Variants in DENND5A observed in about 807,000 individuals in gnomAD.
The protein encoded by DENND5A is DENN domain containing 5A.
Under a neutral mutation model 140.3 loss-of-function variants are expected in DENND5A, and 64 were observed. That is an observed-to-expected ratio of 0.46 (90% CI 0.37 to 0.56). DENND5A has a LOEUF of 0.56. DENND5A is among the 20% of genes least tolerant of loss of function. The pLI, the probability that DENND5A is intolerant of heterozygous loss-of-function variation, is 0.00. For synonymous variants in DENND5A, 605 were observed against 607.7 expected (o/e 1.00, Z 0.07); for missense variants, 1,292 against 1,593.8 (o/e 0.81, Z 3.22).
chr11:9,140,081 C>G, intron 22 of DENND5A: 1 of 1,267,706 alleles, frequency 7.9e-7, no homozygotes, highest in Non-Finnish European at 1.1e-6. Flanking sequence ...TCCAAGCCTC[C>G]TCCTCCCCTG....
At chr11:9,202,930 C>G (rs1428834613) in intron 4 of DENND5A, among the ~76,000 whole-genome samples, 3 of 152,154 alleles carry the variant, frequency 2.0e-5, no homozygotes, top group Non-Finnish European at 4.4e-5. Context: ...CTTTATAACC[C>G]TTATTAAGTA....
intron 5 of DENND5A, among the ~76,000 whole-genome samples, chr11:9,183,439 CTTT>C (rs149988674): frequency 8.3e-5 from 12 of 144,346 alleles, no homozygotes; most frequent in East Asian, 4.0e-4. Context: ...AGGTTTTTAA[CTTT>C]TTTTTTTTTT....
chr11:9,190,335 C>A (rs535134170), intron 5 of DENND5A, among the ~76,000 whole-genome samples: 84 of 152,168 alleles, frequency 5.5e-4, no homozygotes, highest in Non-Finnish European at 7.9e-4. Context: ...TTGGCTGTGT[C>A]CCCACCCAAA....
chr11:9,202,749 G>A (rs993301126), intron 4 of DENND5A, among the ~76,000 whole-genome samples: 8 of 152,002 alleles, frequency 5.3e-5, no homozygotes, highest in African/African-American at 1.5e-4. Context: ...TCTGGTTCTT[G>A]AATACACGAA....
intron 1 of DENND5A, among the ~76,000 whole-genome samples, chr11:9,228,816 G>C (rs1422222483): frequency 6.6e-6 from 1 of 152,090 alleles, no homozygotes; most frequent in Non-Finnish European, 1.5e-5. Flanking sequence ...TGAGCACGAA[G>C]GCTCCACACA....
At chr11:9,156,958 G>A (rs557762764) in intron 12 of DENND5A, among the ~76,000 whole-genome samples, 7 of 152,086 alleles carry the variant, frequency 4.6e-5, no homozygotes, top group East Asian at 3.9e-4. Flanking sequence ...TTCCTCCTAT[G>A]GTGAGAATTA....
At chr11:9,144,852 T>A (rs1341523662) in intron 18 of DENND5A, 143 bp downstream of exon 18, 1 of 656,382 alleles carries the variant, frequency 1.5e-6, no homozygotes, top group Non-Finnish European at 2.8e-6. Flanking sequence ...TACTTTCAAG[T>A]GTATGAGGCA....
intron 10 of DENND5A, among the ~76,000 whole-genome samples, chr11:9,169,101 A>T (rs893349511): frequency 7.2e-5 from 11 of 152,218 alleles, no homozygotes; most frequent in Admixed American, 2.0e-4. Flanking sequence ...AGTCAAGATT[A>T]TCTGTTTCAA....
intron 1 of DENND5A, among the ~76,000 whole-genome samples, chr11:9,263,984 A>G (rs1852331732): frequency 6.6e-6 from 1 of 152,200 alleles, no homozygotes; most frequent in Non-Finnish European, 1.5e-5. Flanking sequence ...TTACAGTGAC[A>G]GAAAAGTGAA....
intron 4 of DENND5A, among the ~76,000 whole-genome samples, chr11:9,197,688 C>A (rs902850393): frequency 5.3e-5 from 8 of 152,000 alleles, no homozygotes; most frequent in African/African-American, 1.4e-4. Context: ...GAGCAAGACC[C>A]CGTCTTAAAA....
Position 9,204,084 on chromosome 11 carries a change from G to C in DENND5A, c.525C>G (p.Ser175Arg). The C allele has an allele frequency of 6.2e-7, 1 of 1,614,164 alleles. No individual in the cohort carries two copies. Among genetic ancestry groups the C allele is most frequent in the Non-Finnish European group, 8.5e-7 (1 of 1,180,038 alleles). The part of the protein sequence containing the change: ...HAPPADDRDQ[S>R]SMEDGEDTPV... ...GAGTGTCTTCACCATCCTCCATGCT[G>C]CTCTGGTCTCTGTCATCAGCAGGGG... Residue 175 changes from serine (S) to arginine (R), a missense_variant, in exon 4 of 23, where the codon AGC becomes AGG. Ser to Arg is a moderately radical substitution (Grantham distance 110). Coordinates refer to ENST00000328194, the MANE Select transcript of DENND5A (RefSeq NM_015213.4).
rs149213926 is a variant in DENND5A, at chr11:9,248,867, A to T, written c.109+16094T>A. On this transcript the variant is annotated intron_variant, in intron 1 of 22. Transcript: ENST00000328194. The stretch of plus-strand genomic sequence containing the variant: ...GCTATCTTCATAACTAGGCTAAAAC[A>T]TTGTTAGAGGGCCATTGTTCTAAAA... Among the ~76,000 whole-genome samples, 513 of 152,250 alleles carry T rather than the reference A, an allele frequency of 3.4e-3. 1 individual carries two copies. The highest frequency in any genetic ancestry group is 0.012 in the African/African-American group (489 of 41,554).
At chr11:9,244,584 G>GT (rs1211617974) in intron 1 of DENND5A, among the ~76,000 whole-genome samples, 2 of 152,110 alleles carry the variant, frequency 1.3e-5, no homozygotes, top group African/African-American at 4.8e-5. Flanking sequence ...AGTCAGGCTG[G>GT]TCTTGAACTC....
chr11:9,250,996 A>G (rs914735052), intron 1 of DENND5A, among the ~76,000 whole-genome samples: 9 of 152,006 alleles, frequency 5.9e-5, no homozygotes, highest in African/African-American at 2.2e-4. Flanking sequence ...TTAGCTGGGC[A>G]TGGTGGCAGG....
intron 8 of DENND5A, among the ~76,000 whole-genome samples, chr11:9,173,533 T>C (rs926622175): frequency 6.6e-6 from 1 of 152,176 alleles, no homozygotes; most frequent in East Asian, 1.9e-4. Flanking sequence ...TTTTTGTTGT[T>C]GTTTAGAGAC....
chr11:9,240,009 C>T (rs1851166868), intron 1 of DENND5A, among the ~76,000 whole-genome samples: 1 of 152,110 alleles, frequency 6.6e-6, no homozygotes, highest in African/African-American at 2.4e-5. Context: ...CCCAGAGCTA[C>T]GCCCTCTATA....
chr11:9,169,828 C>A, intron 10 of DENND5A, 28 bp downstream of exon 10: 1 of 1,298,204 alleles, frequency 7.7e-7, no homozygotes, highest in South Asian at 1.2e-5. Flanking sequence ...ATAGCAAGGT[C>A]ATCCTTATCA....
intron 15 of DENND5A, among the ~76,000 whole-genome samples, chr11:9,149,017 G>A (rs1274663114): frequency 6.6e-6 from 1 of 152,236 alleles, no homozygotes; most frequent in Non-Finnish European, 1.5e-5. Context: ...TAAGGTCATG[G>A]CAGCCACATA....
intron 1 of DENND5A, among the ~76,000 whole-genome samples, chr11:9,213,001 A>ATTTTTTTTTTTTTTTTTTTTTT (rs71062814): frequency 7.9e-6 from 1 of 126,300 alleles, no homozygotes. Context: ...CCTGGTTCTG[A>ATTTTTTTTTTTTTTTTTTTTTT]TTTTTTTTTT....
Sources: gnomAD v4.1 joint callset for allele counts (sites outside exome capture counted in the v4.1 genomes callset) on GRCh38, gnomAD v4.1.1 for gene constraint, MANE v1.5 for transcripts, NCBI Gene and HGNC (gene_info 2026-07-23, HGNC 2026-07-21) for gene names.